Variants in DBT observed in about 807,000 individuals in gnomAD.
DBT encodes lipoamide acyltransferase component of branched-chain alpha-keto acid dehydrogenase complex, mitochondrial.
DBT carries 40 observed loss-of-function variants against 51.3 expected under a neutral mutation model. That is an observed-to-expected ratio of 0.78 (90% CI 0.61 to 1.02). The LOEUF is 1.02. Ranked by LOEUF, DBT falls within the 50% of genes least tolerant of loss-of-function variation. DBT has a pLI of 0.00. For missense variants in DBT, 510 were observed against 580.2 expected (o/e 0.88, Z 1.24); for synonymous variants, 181 against 190.4 (o/e 0.95, Z 0.41).
At chr1:100,239,851 C>CAAAAAAAAAAAAAAAAAA (rs56661922) in intron 2 of DBT, among the ~76,000 whole-genome samples, 6 of 111,200 alleles carry the variant, frequency 5.4e-5, no homozygotes, top group South Asian at 3.0e-4. Flanking sequence ...CAACAGAGCT[C>CAAAAAAAAAAAAAAAAAA]AAAAAAAAAA....
rs1413300339 is a variant in DBT at position 100,216,192 on chromosome 1, A to G, written c.563T>C (p.Leu188Pro). ...TTTTCCTGAGCCAACAACTTCACTC[A>G]GCTTAATCTAAAAAATGATATATTT... ...RRLAMENNIK[L>P]SEVVGSGKDG... Residue 188 changes from leucine to proline, a missense_variant, in exon 6 of 11, where the codon CTG (leucine) becomes CCG (proline). Transcript: ENST00000370132. The G allele has an allele frequency of 6.2e-7, 1 of 1,609,416 alleles. No homozygotes were observed. The highest frequency in any genetic ancestry group is 8.5e-7 in the Non-Finnish European group (1 of 1,175,962).
intron 4 of DBT, among the ~76,000 whole-genome samples, chr1:100,224,878 G>T (rs1056582780): frequency 4.2e-4 from 64 of 151,428 alleles, no homozygotes; most frequent in African/African-American, 1.4e-3. Context: ...AGCTGGGTGT[G>T]GTGGTGCACG....
intron 7 of DBT, among the ~76,000 whole-genome samples, chr1:100,214,523 C>T (rs887779810): frequency 6.6e-6 from 1 of 151,928 alleles, no homozygotes; most frequent in Admixed American, 6.6e-5. Context: ...GAGGCTGGGG[C>T]GGGGGTGGAT....
chr1:100,240,578 A>G (rs1398403636), intron 2 of DBT, among the ~76,000 whole-genome samples, 183 bp downstream of exon 2: 1 of 152,178 alleles, frequency 6.6e-6, no homozygotes, highest in Non-Finnish European at 1.5e-5. Flanking sequence ...GAAAGTATGT[A>G]AAAGAGAGGG....
At position 100,195,900 on chromosome 1, in the gene DBT, G is replaced by C; in HGVS notation, c.*355C>G. 1 of 289,592 alleles carries C rather than the reference G, an allele frequency of 3.5e-6. No homozygotes were observed. The highest frequency in any genetic ancestry group is 6.7e-6 in the Non-Finnish European group (1 of 149,950). 17.9% of individuals were successfully genotyped at this position (289,592 alleles called of 1,614,324 possible). A position where few individuals can be genotyped will look rare whatever the true frequency, so the allele number is the denominator to read the frequency against. On this transcript the variant is annotated 3_prime_UTR_variant, in exon 11 of 11. Transcript: ENST00000370132. ...GGCTGGTCTCAAACTTCTAACCTCA[G>C]GTGATCCGCCCACCTGGGCCTCCCA...
chr1:100,209,926 C>T (rs911404114), intron 8 of DBT, among the ~76,000 whole-genome samples: 1 of 152,124 alleles, frequency 6.6e-6, no homozygotes, highest in Non-Finnish European at 1.5e-5. Flanking sequence ...AGTTTTCGGT[C>T]TTAAGAAACT....
In DBT at chr1:100,191,143, A is replaced by C. The variant is rs1379852402; in HGVS notation, c.*5112T>G. The C allele has an allele frequency of 6.6e-6, 1 of 152,198 alleles. No homozygotes were observed. The highest frequency in any genetic ancestry group is 1.5e-5 in the Non-Finnish European group (1 of 68,032). 9.4% of individuals were successfully genotyped at this position (152,198 alleles called of 1,614,324 possible). The stretch of plus-strand genomic sequence containing the variant: ...GTGCCAGTATAAGAGTAGAGCATTA[A>C]AGCTAGTGAGTATATTAACACGCAA... On this transcript the variant is annotated 3_prime_UTR_variant, in exon 11 of 11. Transcript: ENST00000370132.
In DBT at chr1:100,214,968, A is replaced by G. The variant is rs1553230703; in HGVS notation, c.788T>C (p.Met263Thr). ...CAGGGCTGCAGACATAGTCTTGACC[A>G]TTGCTTTTTGAAAGCCTGAAAAGCA... The part of the protein sequence containing the change: ...TEPIKGFQKA[M>T]VKTMSAALKI... Residue 263 changes from methionine to threonine, a missense_variant, in exon 7 of 11, where the codon ATG (methionine) becomes ACG (threonine). Physicochemically the swap from Met to Thr is moderately conservative, Grantham distance 81. Transcript: ENST00000370132. 3 of 1,611,284 alleles carry G rather than the reference A, an allele frequency of 1.9e-6. No homozygotes were observed. The highest frequency in any genetic ancestry group is 1.7e-6 in the Non-Finnish European group (2 of 1,177,582).
intron 8 of DBT, among the ~76,000 whole-genome samples, chr1:100,207,621 A>T (rs898324677): frequency 2.0e-5 from 3 of 152,138 alleles, no homozygotes; most frequent in African/African-American, 7.2e-5. Context: ...CAGGAGTTTG[A>T]GACCAGCCTG....
chr1:100,249,130 TA>T (rs1415927574), intron 1 of DBT: 2 of 984,150 alleles, frequency 2.0e-6, no homozygotes, highest in African/African-American at 3.5e-5. Flanking sequence ...ACTAAGCAAA[TA>T]GGGGTAACAA....
chr1:100,211,036 A>C (rs1662107572), intron 7 of DBT: 5 of 770,164 alleles, frequency 6.5e-6, no homozygotes, highest in Non-Finnish European at 1.2e-5. Flanking sequence ...ATAATGATAC[A>C]GACCAGCCAA....
rs1359194866 is a variant in DBT, at chr1:100,188,578, T to G, written c.*7677A>C. On this transcript the variant is annotated 3_prime_UTR_variant, in exon 11 of 11. Coordinates refer to ENST00000370132, the MANE Select transcript of DBT (RefSeq NM_001918.5). ...GCCCGTTGGAGGAGACTCTGCCTTC[T>G]GCTCAGCCAAAAATCAGTGTGAATC... The G allele has an allele frequency of 6.6e-6, 1 of 152,262 alleles. No individual in the cohort carries two copies. The highest frequency in any genetic ancestry group is 2.4e-5 in the African/African-American group (1 of 41,466). 9.4% of individuals were successfully genotyped at this position (152,262 alleles called of 1,614,324 possible). A position where few individuals can be genotyped will look rare whatever the true frequency, so the allele number is the denominator to read the frequency against.
chr1:100,242,985 G>C (rs538736858), intron 1 of DBT, among the ~76,000 whole-genome samples: 1 of 152,162 alleles, frequency 6.6e-6, no homozygotes, highest in South Asian at 2.1e-4. Context: ...TTTCAGACAG[G>C]CCAGGCATGG....
At chr1:100,205,811 G>A (rs1661747468) in intron 10 of DBT, among the ~76,000 whole-genome samples, 2 of 152,172 alleles carry the variant, frequency 1.3e-5, no homozygotes, top group African/African-American at 4.8e-5. Flanking sequence ...GCAGGGTCAT[G>A]GATGAAGCTG....
chr1:100,225,129 T>C (rs541639924), intron 4 of DBT, among the ~76,000 whole-genome samples: 1 of 141,492 alleles, frequency 7.1e-6, no homozygotes, highest in Admixed American at 7.0e-5. Flanking sequence ...ATGTATATAC[T>C]CATAAACCAT....
intron 2 of DBT, among the ~76,000 whole-genome samples, chr1:100,237,620 G>A (rs1265096992): frequency 1.3e-5 from 2 of 152,106 alleles, no homozygotes; most frequent in Non-Finnish European, 2.9e-5. Context: ...CAGGTAAGAA[G>A]CAGAAGTATA....
At chr1:100,247,785 G>A (rs1315841106) in intron 1 of DBT, among the ~76,000 whole-genome samples, 2 of 150,838 alleles carry the variant, frequency 1.3e-5, no homozygotes, top group African/African-American at 2.4e-5. Context: ...GAAGCTTTAC[G>A]GCAGACACTG....
intron 10 of DBT, among the ~76,000 whole-genome samples, chr1:100,200,760 CA>C (rs1661388857): frequency 6.6e-6 from 1 of 152,194 alleles, no homozygotes; most frequent in Non-Finnish European, 1.5e-5. Flanking sequence ...GATACCCAGG[CA>C]AACAGGGTCT....
intron 4 of DBT, among the ~76,000 whole-genome samples, 186 bp from the exon 5 acceptor site, chr1:100,218,933 G>GC (rs1662657139): frequency 4.2e-4 from 1 of 2,366 alleles, no homozygotes; most frequent in African/African-American, 6.0e-4. Flanking sequence ...TGGGTAGAGT[G>GC]GGGGGGGGGG....
Sources: allele counts gnomAD v4.1 joint callset (sites outside exome capture counted in the v4.1 genomes callset), GRCh38; gene constraint gnomAD v4.1.1; transcripts MANE v1.5; gene names NCBI Gene and HGNC (gene_info 2026-07-23, HGNC 2026-07-21).